Variants in TAOK1 observed in about 807,000 individuals in gnomAD.
The protein encoded by TAOK1 is TAO kinase 1, also known as serine/threonine-protein kinase TAO1.
A neutral mutation model predicts 138.3 loss-of-function variants in TAOK1; 21 were observed. The observed-to-expected ratio is 0.15, with a 90% CI of 0.11 to 0.22. The LOEUF is 0.22. TAOK1 is among the 10% of genes least tolerant of loss of function. The pLI is 1.00. For missense variants in TAOK1, 651 were observed against 1,227.7 expected (o/e 0.53, Z 7.02); for synonymous variants, 361 against 398.4 (o/e 0.91, Z 1.12).
rs143430948 is a variant in TAOK1 at position 29,414,459 on chromosome 17, G to A, written c.-95+23435G>A. 2.9e-3 allele frequency among the ~76,000 whole-genome samples: 440 copies of A among 150,630 alleles called. 3 individuals are homozygous for A. Among genetic ancestry groups the A allele is most frequent in the Non-Finnish European group, 1.9e-3 (126 of 67,706 alleles). On this transcript the variant is annotated intron_variant, in intron 1 of 19. Transcript: ENST00000261716. ...GAAATGGGGTTTCACCATGTTGGCC[G>A]GGCTGGTCTTGAACTCCTGACCTCA...
intron 1 of TAOK1, among the ~76,000 whole-genome samples, chr17:29,440,501 GCT>G (rs1247692264): frequency 6.9e-6 from 1 of 145,964 alleles, no homozygotes; most frequent in Non-Finnish European, 1.5e-5. Flanking sequence ...GGAAGGAGAG[GCT>G]CTTGTCTTAT....
At chr17:29,484,545 T>C (rs551692907) in intron 8 of TAOK1, among the ~76,000 whole-genome samples, 2 of 152,302 alleles carry the variant, frequency 1.3e-5, no homozygotes, top group African/African-American at 4.8e-5. Context: ...GCTAGTTAGC[T>C]ACCTTTTTAG....
chr17:29,530,110 C>T (rs2032078095), intron 17 of TAOK1, among the ~76,000 whole-genome samples: 1 of 152,130 alleles, frequency 6.6e-6, no homozygotes, highest in Non-Finnish European at 1.5e-5. Flanking sequence ...TTAATATCTA[C>T]TCAGGTCACT....
intron 8 of TAOK1, among the ~76,000 whole-genome samples, chr17:29,487,103 G>T (rs937496970): frequency 6.6e-6 from 1 of 152,066 alleles, no homozygotes; most frequent in Non-Finnish European, 1.5e-5. Flanking sequence ...ACAAAAATTA[G>T]CTGGGCATGG....
At chr17:29,467,020 T>C (rs1051755838) in intron 2 of TAOK1, 125 bp from the exon 3 acceptor site, 5 of 536,664 alleles carry the variant, frequency 9.3e-6, no homozygotes, top group Middle Eastern at 3.7e-4. Flanking sequence ...AAATTTTCTT[T>C]AAAAGTGGTT....
intron 19 of TAOK1, among the ~76,000 whole-genome samples, chr17:29,535,459 A>T (rs955850254): frequency 2.6e-5 from 4 of 152,166 alleles, no homozygotes; most frequent in Non-Finnish European, 4.4e-5. Flanking sequence ...TTACCTAATG[A>T]TCTTCCTAAA....
rs760664967 is a variant in TAOK1, at chr17:29,546,682, G to C, written c.*3660G>C. ...ATTAAATATGCACATTTTTGGTATA[G>C]CTATTATCATTTGTATGTATATATT... On this transcript the variant is annotated 3_prime_UTR_variant, in exon 20 of 20. Coordinates refer to ENST00000261716, the MANE Select transcript of TAOK1 (RefSeq NM_020791.4). 12 of 151,954 alleles carry C rather than the reference G, an allele frequency of 7.9e-5. No homozygotes were observed. The highest frequency in any genetic ancestry group is 8.8e-5 in the Non-Finnish European group (6 of 67,974). 9.4% of individuals were successfully genotyped at this position (151,954 alleles called of 1,614,324 possible).
At chr17:29,533,445 C>T (rs1259239447) in intron 18 of TAOK1, among the ~76,000 whole-genome samples, 8 of 150,920 alleles carry the variant, frequency 5.3e-5, no homozygotes, top group South Asian at 4.2e-4. Context: ...GGGTGGCGGC[C>T]GGGCAGAGGC....
chr17:29,520,183 GAA>G lies in TAOK1; in HGVS notation c.1909-2082_1909-2081del, dbSNP rs535870675. Among the ~76,000 whole-genome samples, 11 of 70,184 alleles carry G rather than the reference GAA, an allele frequency of 1.6e-4. No homozygotes were observed. In the East Asian group the frequency reaches 2.3e-3, roughly 14 times the overall value. The allele number at this position is 70,184 out of a possible 152,430, so 46.0% of individuals were successfully genotyped here. A position where few individuals can be genotyped will look rare whatever the true frequency, so the allele number is the denominator to read the frequency against. On this transcript the variant is annotated intron_variant, in intron 16 of 19. Coordinates refer to ENST00000261716, the MANE Select transcript of TAOK1 (RefSeq NM_020791.4). ...GCGACAGAGTGAGACTCTGTCTGAA[GAA>G]AAAAAAAAAAAAAAGTGAAACATGG...
intron 1 of TAOK1, among the ~76,000 whole-genome samples, chr17:29,444,855 G>A (rs2030037228): frequency 6.6e-6 from 1 of 152,070 alleles, no homozygotes; most frequent in Admixed American, 6.5e-5. Flanking sequence ...CACCAGATTT[G>A]TATTGTTTTT....
At position 29,420,881 on chromosome 17, in the gene TAOK1, C is replaced by T. The variant is rs577661894; in HGVS notation, c.-95+29857C>T. ...ACAGGTGTGAGCCACCGCGCCCAGCCGGAAAATACTTAATCTTTTATCATT... is the reference window on the plus strand; with the variant it reads ...ACAGGTGTGAGCCACCGCGCCCAGCTGGAAAATACTTAATCTTTTATCATT... On this transcript the variant is annotated intron_variant, in intron 1 of 19. Transcript: ENST00000261716. 1.2e-3 allele frequency among the ~76,000 whole-genome samples: 176 copies of T among 152,070 alleles called. 1 individual carries two copies. Among genetic ancestry groups the T allele is most frequent in the Middle Eastern group, 6.8e-3 (2 of 294 alleles).
At chr17:29,488,494 C>T (rs910151131) in intron 8 of TAOK1, among the ~76,000 whole-genome samples, 5 of 78,802 alleles carry the variant, frequency 6.3e-5, no homozygotes, top group African/African-American at 1.7e-4. Flanking sequence ...ATCGCTTGAA[C>T]CCGGGAGGCG....
chr17:29,411,627 A>G (rs2153021014), intron 1 of TAOK1, among the ~76,000 whole-genome samples: 1 of 150,020 alleles, frequency 6.7e-6, no homozygotes, highest in Non-Finnish European at 1.5e-5. Context: ...TCCTGACCTC[A>G]AGTAATCCAC....
chr17:29,522,659 T>A, intron 17 of TAOK1, 140 bp downstream of exon 17: 2 of 1,280,540 alleles, frequency 1.6e-6, no homozygotes, highest in Non-Finnish European at 2.1e-6. Flanking sequence ...TGGTTGACTT[T>A]AATGTTAAAT....
chr17:29,396,455 G>C (rs1904603497), intron 1 of TAOK1, among the ~76,000 whole-genome samples: 1 of 152,168 alleles, frequency 6.6e-6, no homozygotes, highest in Non-Finnish European at 1.5e-5. Flanking sequence ...CCGTTATGCT[G>C]TAGGTTGTTA....
At chr17:29,504,310 A>C (rs905877538) in intron 13 of TAOK1, among the ~76,000 whole-genome samples, 2 of 149,882 alleles carry the variant, frequency 1.3e-5, no homozygotes, top group Non-Finnish European at 3.0e-5. Flanking sequence ...GAAAGGAAGA[A>C]AAGAAAAGAA....
chr17:29,502,559 C>G, intron 12 of TAOK1, 30 bp from the exon 13 acceptor site: 4 of 1,588,060 alleles, frequency 2.5e-6, no homozygotes, highest in Non-Finnish European at 3.4e-6. Context: ...GTTCACCTTA[C>G]ATAATATTGT....
intron 1 of TAOK1, among the ~76,000 whole-genome samples, chr17:29,396,782 G>A: frequency 6.6e-6 from 1 of 151,516 alleles, no homozygotes; most frequent in African/African-American, 2.4e-5. Context: ...CTTTAGGTCA[G>A]GAGTTCAAGA....
chr17:29,397,664 G>GATACATGTATACATGT (rs149632037), intron 1 of TAOK1, among the ~76,000 whole-genome samples: 1 of 35,604 alleles, frequency 2.8e-5, no homozygotes, highest in Non-Finnish European at 5.6e-5. Flanking sequence ...ATTCATGTAT[G>GATACATGTATACATGT]ATACATGTAT....
Sources: allele counts gnomAD v4.1 joint callset (sites outside exome capture counted in the v4.1 genomes callset), GRCh38; gene constraint gnomAD v4.1.1; transcripts MANE v1.5; gene names NCBI Gene and HGNC (gene_info 2026-07-23, HGNC 2026-07-21).